Variants in ATL2 observed in about 807,000 individuals in gnomAD.
The protein encoded by ATL2 is atlastin GTPase 2.
In ATL2, 31 loss-of-function variants were observed where a neutral mutation model predicts 73.9. The ratio of observed to expected loss-of-function variants is 0.42; its 90% CI spans 0.32 to 0.57. ATL2 has a LOEUF of 0.57. Among genes scored for constraint, ATL2 ranks in the 20% least tolerant of loss-of-function variants. The pLI, the probability that ATL2 is intolerant of heterozygous loss-of-function variation, is 0.14. For synonymous variants in ATL2, 291 were observed against 237.5 expected (o/e 1.23, Z -2.07); for missense variants, 738 against 702.6 (o/e 1.05, Z -0.57).
At position 38,299,517 on chromosome 2, in the gene ATL2, G is replaced by C. The variant is rs543718368; in HGVS notation, c.1129-190C>G. On this transcript the variant is annotated intron_variant, in intron 10 of 12. Transcript: ENST00000378954. ...AATGGTAAGTGGTTCTAATAGGACTGCCTGCCTGATTTTGTTTTGCTTAGG... is the reference window on the plus strand; with the variant it reads ...AATGGTAAGTGGTTCTAATAGGACTCCCTGCCTGATTTTGTTTTGCTTAGG... Among the ~76,000 whole-genome samples, 151 of 152,302 alleles carry C rather than the reference G, an allele frequency of 9.9e-4. 1 individual carries two copies. Among genetic ancestry groups the C allele is most frequent in the African/African-American group, 3.3e-3 (138 of 41,576 alleles).
At chr2:38,327,277 T>C (rs571620943) in intron 2 of ATL2, among the ~76,000 whole-genome samples, 2 of 151,660 alleles carry the variant, frequency 1.3e-5, no homozygotes, top group Non-Finnish European at 2.9e-5. Context: ...TTATAGTATA[T>C]AGATAAGGGA....
chr2:38,345,350 TTATA>T (rs1355877533), intron 1 of ATL2, among the ~76,000 whole-genome samples: 1 of 152,146 alleles, frequency 6.6e-6, no homozygotes, highest in Non-Finnish European at 1.5e-5. Flanking sequence ...AGAGCAAAGA[TTATA>T]TAACTACATT....
chr2:38,338,964 C>T (rs918246681), intron 2 of ATL2, among the ~76,000 whole-genome samples: 3 of 152,126 alleles, frequency 2.0e-5, no homozygotes, highest in African/African-American at 7.2e-5. Context: ...CCTTTAATAC[C>T]AGCACTTTGG....
chr2:38,312,791 GC>G (rs1667831308), intron 7 of ATL2, among the ~76,000 whole-genome samples: 1 of 151,654 alleles, frequency 6.6e-6, no homozygotes, highest in African/African-American at 2.4e-5. Context: ...TCCCAGTCAT[GC>G]TTCCTGTTAA....
At chr2:38,316,283 G>A (rs935007969) in intron 4 of ATL2, among the ~76,000 whole-genome samples, 1 of 152,210 alleles carries the variant, frequency 6.6e-6, no homozygotes, top group East Asian at 1.9e-4. Flanking sequence ...ATTGATGACT[G>A]AGGTGATTAA....
chr2:38,309,899 A>C lies in ATL2; in HGVS notation c.944-393T>G, dbSNP rs532306538. Reference sequence around the variant, plus strand: ...CAGCCATACTGTAAAAGTTTTGTCAATCCCCAAATGTTTTGCCAACACACT... The same window carrying C: ...CAGCCATACTGTAAAAGTTTTGTCACTCCCCAAATGTTTTGCCAACACACT... On this transcript the variant is annotated intron_variant, in intron 8 of 12. Transcript: ENST00000378954. Among the ~76,000 whole-genome samples, 14 of 152,322 alleles carry C rather than the reference A, an allele frequency of 9.2e-5. No individual in the cohort carries two copies. The South Asian group carries it at 2.5e-3, about 27-fold the overall frequency.
intron 9 of ATL2, among the ~76,000 whole-genome samples, chr2:38,300,738 A>G (rs141665819): frequency 1.3e-5 from 2 of 152,102 alleles, no homozygotes; most frequent in African/African-American, 4.8e-5. Flanking sequence ...GCAACCTCGA[A>G]TTCCTGGGCT....
chr2:38,310,229 T>C, intron 8 of ATL2, 80 bp downstream of exon 8: 1 of 1,488,174 alleles, frequency 6.7e-7, no homozygotes, highest in Non-Finnish European at 9.3e-7. Context: ...ACAGGACATT[T>C]AAGGCGTCAT....
At chr2:38,315,697 C>A (rs1667993806) in intron 4 of ATL2, among the ~76,000 whole-genome samples, 1 of 151,846 alleles carries the variant, frequency 6.6e-6, no homozygotes, top group African/African-American at 2.4e-5. Flanking sequence ...TTATTTCCAC[C>A]ATCATTTTTC....
chr2:38,311,794 ATATATG>A (rs1464935912), intron 7 of ATL2, among the ~76,000 whole-genome samples: 1 of 152,226 alleles, frequency 6.6e-6, no homozygotes, highest in Non-Finnish European at 1.5e-5. Context: ...AATTTTCTGA[ATATATG>A]TATAACATTT....
chr2:38,314,374 C>T (rs931425161), intron 6 of ATL2, among the ~76,000 whole-genome samples: 1 of 152,076 alleles, frequency 6.6e-6, no homozygotes, highest in African/African-American at 2.4e-5. Context: ...AACATTACTC[C>T]CCTTAATCTA....
intron 2 of ATL2, among the ~76,000 whole-genome samples, chr2:38,324,821 G>A (rs1668506230): frequency 6.6e-6 from 1 of 152,242 alleles, no homozygotes; most frequent in Non-Finnish European, 1.5e-5. Context: ...CTACTCATAT[G>A]AGGTGCTTAG....
chr2:38,334,282 G>T (rs186101214), intron 2 of ATL2, among the ~76,000 whole-genome samples: 14 of 151,528 alleles, frequency 9.2e-5, no homozygotes, highest in Non-Finnish European at 1.6e-4. Flanking sequence ...GACTTGCCTC[G>T]GCCTCCTAAA....
At chr2:38,329,423 C>CAAAAAAAAAAAAAAAAAAAAAAAA (rs70954711) in intron 2 of ATL2, among the ~76,000 whole-genome samples, 4 of 13,672 alleles carry the variant, frequency 2.9e-4, no homozygotes, top group Non-Finnish European at 3.1e-4. Flanking sequence ...ACTCCATCTC[C>CAAAAAAAAAAAAAAAAAAAAAAAA]AAAAAAAAAA....
At chr2:38,363,248 T>C (rs1671112074) in intron 1 of ATL2, among the ~76,000 whole-genome samples, 1 of 152,100 alleles carries the variant, frequency 6.6e-6, no homozygotes, top group South Asian at 2.1e-4. Flanking sequence ...GCCAAACTGT[T>C]AGCATCTTTA....
At chr2:38,313,024 T>C (rs1667842884) in intron 7 of ATL2, 127 bp downstream of exon 7, 3 of 603,312 alleles carry the variant, frequency 5.0e-6, no homozygotes, top group South Asian at 2.4e-5. Flanking sequence ...CAGAGTCACT[T>C]GGGCTAACCT....
intron 1 of ATL2, among the ~76,000 whole-genome samples, chr2:38,355,620 G>C (rs1001824162): frequency 1.3e-5 from 2 of 151,140 alleles, no homozygotes; most frequent in African/African-American, 4.9e-5. Flanking sequence ...ACAATGCCAA[G>C]TAAGAAACTC....
chr2:38,353,325 G>C (rs1050644748), intron 1 of ATL2, among the ~76,000 whole-genome samples: 6 of 152,106 alleles, frequency 3.9e-5, no homozygotes, highest in African/African-American at 1.4e-4. Context: ...AATACTCACT[G>C]GATGGACAAC....
chr2:38,300,791 C>A (rs1467784996), intron 9 of ATL2, among the ~76,000 whole-genome samples: 1 of 150,674 alleles, frequency 6.6e-6, no homozygotes, highest in South Asian at 2.1e-4. Context: ...GCTGAAACTA[C>A]AAGGTGTGTG....
Sources: allele counts gnomAD v4.1 joint callset (sites outside exome capture counted in the v4.1 genomes callset), GRCh38; gene constraint gnomAD v4.1.1; transcripts MANE v1.5; gene names NCBI Gene and HGNC (gene_info 2026-07-23, HGNC 2026-07-21).